Variants in PSMC1 observed in about 807,000 individuals in gnomAD.
The protein encoded by PSMC1 is 26S proteasome regulatory subunit 4.
In PSMC1, 5 loss-of-function variants were observed where a neutral mutation model predicts 49.8. The ratio of observed to expected loss-of-function variants is 0.10; its 90% CI spans 0.05 to 0.21. The LOEUF (loss-of-function observed/expected upper bound fraction) is 0.21, where lower values mean the gene tolerates loss of function less well. PSMC1 is among the 10% of genes least tolerant of loss of function. The pLI, the probability that PSMC1 is intolerant of heterozygous loss-of-function variation, is 1.00. For synonymous variants in PSMC1, 155 were observed against 192.1 expected, an observed-to-expected ratio of 0.81 and a Z score of 1.60; for missense variants, 181 against 535.7, an observed-to-expected ratio of 0.34 and a Z score of 6.54.
intron 8 of PSMC1, chr14:90,268,838 G>A (rs896526986): frequency 6.1e-6 from 1 of 164,064 alleles, no homozygotes; most frequent in African/African-American, 2.4e-5. Flanking sequence ...GTCCATTTGT[G>A]CTGCTAAACA....
At chr14:90,268,548 A>G (rs1454640742) in intron 8 of PSMC1, 135 bp downstream of exon 8, 2 of 808,126 alleles carry the variant, frequency 2.5e-6, no homozygotes, top group Non-Finnish European at 4.0e-6. Context: ...TGCATGCTTT[A>G]GGCTCTGCTC....
intron 7 of PSMC1, 48 bp downstream of exon 7, chr14:90,265,214 G>A: frequency 7.7e-7 from 1 of 1,297,694 alleles, no homozygotes; most frequent in Non-Finnish European, 1.1e-6. Context: ...GGTCTCTTGA[G>A]CAGCAGCATT....
chr14:90,267,991 T>C, intron 7 of PSMC1: 2 of 411,508 alleles, frequency 4.9e-6, no homozygotes, highest in Non-Finnish European at 8.6e-6. Context: ...TCTGACGTTA[T>C]CATAAGTTCA....
rs1394056599 is a variant in PSMC1, at chr14:90,273,579, TAAAA to T, written c.*1174_*1177del. 2 of 152,216 alleles carry T rather than the reference TAAAA, an allele frequency of 1.3e-5. No individual in the cohort carries two copies. Among genetic ancestry groups the T allele is most frequent in the African/African-American group, 4.8e-5 (2 of 41,520 alleles). 9.4% of individuals were successfully genotyped at this position (152,216 alleles called of 1,614,324 possible). ...TCTCAAAAATAAATAAATAAATAAA[TAAAA>T]ACCACAATTTTATCTCAGTTCTGTA... On this transcript the variant is annotated 3_prime_UTR_variant, in exon 11 of 11. Coordinates refer to ENST00000261303, the MANE Select transcript of PSMC1 (RefSeq NM_002802.3).
intron 6 of PSMC1, 103 bp from the exon 7 acceptor site, chr14:90,264,967 G>C: frequency 1.2e-6 from 1 of 854,080 alleles, no homozygotes; most frequent in South Asian, 1.4e-5. Flanking sequence ...GAGTAATTGA[G>C]ATTTTTACTT....
intron 10 of PSMC1, chr14:90,270,749 A>T (rs927618103): frequency 1.9e-5 from 3 of 161,644 alleles, no homozygotes; most frequent in African/African-American, 7.2e-5. Flanking sequence ...TGTGTTCTGG[A>T]AGGTTGTACC....
chr14:90,257,333 A>G (rs1891314213), intron 1 of PSMC1, among the ~76,000 whole-genome samples: 1 of 152,138 alleles, frequency 6.6e-6, no homozygotes, highest in African/African-American at 2.4e-5. Context: ...AATATGTAAT[A>G]TGATGTCAGG....
Position 90,263,730 on chromosome 14 carries a change from T to A in PSMC1, c.348T>A (p.Ile116=). 1 of 1,611,408 alleles carries A rather than the reference T, an allele frequency of 6.2e-7. No individual in the cohort carries two copies. The highest frequency in any genetic ancestry group is 8.5e-7 in the Non-Finnish European group (1 of 1,177,506). The change falls in exon 5 of 11, where the codon ATT becomes ATA. Residue 116 remains isoleucine (I), a synonymous_variant. Transcript: ENST00000261303. ...PMSVGTLEEI[I]DDNHAIVSTS... ...CAGTAGGAACCTTGGAAGAGATCAT[T>A]GATGACAATCATGCCATCGTGTCTA...
intron 7 of PSMC1, among the ~76,000 whole-genome samples, chr14:90,267,125 TTTC>T (rs1891536507): frequency 6.6e-6 from 1 of 151,248 alleles, no homozygotes; most frequent in African/African-American, 2.5e-5. Flanking sequence ...GACTCTTGTT[TTTC>T]TTTTCTTTTT....
At position 90,272,324 on chromosome 14, in the gene PSMC1, G is replaced by C. The variant is rs1015304955; in HGVS notation, c.1240G>C (p.Val414Leu). The change falls in exon 11 of 11, where the codon GTA (valine) becomes CTA (leucine). Residue 414 changes from valine (V) to leucine (L), a missense_variant. Physicochemically the swap from Val to Leu is conservative, Grantham distance 32. Transcript: ENST00000261303. The surrounding 1 kb of genome is among the most constrained non-coding windows in gnomAD (Gnocchi z 4.5). ...LMALRERRMK[V>L]TNEDFKKSKE... The stretch of plus-strand genomic sequence containing the variant: ...GGCCTTAAGAGAACGTAGAATGAAA[G>C]TAACAAATGAAGACTTCAAAAAATC... 1 of 1,604,518 alleles carries C rather than the reference G, an allele frequency of 6.2e-7. No homozygotes were observed. The highest frequency in any genetic ancestry group is 8.5e-7 in the Non-Finnish European group (1 of 1,178,278).
intron 7 of PSMC1, among the ~76,000 whole-genome samples, chr14:90,265,373 G>C (rs573224677): frequency 1.3e-5 from 2 of 151,968 alleles, no homozygotes; most frequent in East Asian, 3.9e-4. Flanking sequence ...GAGCAACTTG[G>C]TGAAACCCTG....
In PSMC1 at chr14:90,273,658, A is replaced by G. The variant is rs538679397; in HGVS notation, c.*1251A>G. The G allele has an allele frequency of 6.5e-6, 1 of 152,850 alleles. No individual in the cohort carries two copies. The highest frequency in any genetic ancestry group is 1.9e-4 in the East Asian group (1 of 5,190). The allele number at this position is 152,850 out of a possible 1,614,324, so 9.5% of individuals were successfully genotyped here. Reference sequence around the variant, plus strand: ...TCCAGGCTAAAGTCTTGCTGTTGGCAGGACCGTTCCCTCTGGCGTCTCTAA... The same window carrying G: ...TCCAGGCTAAAGTCTTGCTGTTGGCGGGACCGTTCCCTCTGGCGTCTCTAA... On this transcript the variant is annotated 3_prime_UTR_variant, in exon 11 of 11. Transcript: ENST00000261303.
At position 90,269,505 on chromosome 14, in the gene PSMC1, C is replaced by T. The variant is rs141831705; in HGVS notation, c.990C>T (p.Ala330=). The change falls in exon 9 of 11, where the codon GCC becomes GCT. Residue 330 remains alanine (A), a synonymous_variant. Transcript: ENST00000261303. The part of the protein sequence containing the change: ...DSRGDVKVIM[A]TNRIETLDPA... The stretch of plus-strand genomic sequence containing the variant: ...GGGGAGATGTGAAAGTTATCATGGC[C>T]ACAAACCGAATAGAAACTTTGGATC... 1.9e-6 allele frequency: 3 copies of T among 1,613,820 alleles called. No individual in the cohort carries two copies. The African/African-American group carries it at 4.0e-5, about 22-fold the overall frequency.
At position 90,275,172 on chromosome 14, in the gene PSMC1, T is replaced by TC. The variant is rs1463117883; in HGVS notation, c.*2767dup. 6.6e-6 allele frequency: 1 copy of TC among 152,084 alleles called. No homozygotes were observed. The highest frequency in any genetic ancestry group is 2.4e-5 in the African/African-American group (1 of 41,388). 9.4% of individuals were successfully genotyped at this position (152,084 alleles called of 1,614,324 possible). ...TCCACGTCTTGGAAGTCAAAAAGCT[T>TC]CCAATCAGAAGGAGACCAAAGAGAT... is the stretch of plus-strand genomic sequence containing the variant. On this transcript the variant is annotated 3_prime_UTR_variant, in exon 11 of 11. Coordinates refer to ENST00000261303, the MANE Select transcript of PSMC1 (RefSeq NM_002802.3).
At chr14:90,265,408 T>G (rs1891485772) in intron 7 of PSMC1, among the ~76,000 whole-genome samples, 1 of 150,032 alleles carries the variant, frequency 6.7e-6, no homozygotes, top group Non-Finnish European at 1.5e-5. Context: ...TAGCTGGGCG[T>G]GGCCGGGCGC....
chr14:90,262,027 T>C (rs1489514785), intron 3 of PSMC1, among the ~76,000 whole-genome samples: 1 of 151,758 alleles, frequency 6.6e-6, no homozygotes, highest in Non-Finnish European at 1.5e-5. Context: ...GAAACCATCA[T>C]TCTGAGCAAG....
chr14:90,265,387 CTA>C (rs1891485072), intron 7 of PSMC1, among the ~76,000 whole-genome samples: 1 of 151,180 alleles, frequency 6.6e-6, no homozygotes, highest in South Asian at 2.1e-4. Flanking sequence ...AACCCTGTCT[CTA>C]TAAAAAATTA....
intron 7 of PSMC1, 84 bp downstream of exon 7, chr14:90,265,250 A>G (rs1252638318): frequency 5.0e-6 from 3 of 595,310 alleles, no homozygotes; most frequent in African/African-American, 1.9e-5. Flanking sequence ...CTGAACTAAT[A>G]AGAGAGGACA....
chr14:90,261,609 CAGTT>C (rs1010096092), intron 3 of PSMC1, among the ~76,000 whole-genome samples: 1 of 152,166 alleles, frequency 6.6e-6, no homozygotes, highest in Non-Finnish European at 1.5e-5. Flanking sequence ...CATCTCACAC[CAGTT>C]AGAATGGCAA....
Sources: gnomAD v4.1 joint callset for allele counts (sites outside exome capture counted in the v4.1 genomes callset) on GRCh38, gnomAD v4.1.1 for gene constraint, Gnocchi (gnomAD v3.1) non-coding constraint, MANE v1.5 for transcripts, NCBI Gene and HGNC (gene_info 2026-07-23, HGNC 2026-07-21) for gene names.